ESR1: variants seen among roughly 807,000 people sequenced by gnomAD.
ESR1 encodes estrogen receptor.
ESR1 carries 12 observed loss-of-function variants against 52.7 expected under a neutral mutation model. The observed-to-expected ratio is 0.23, with a 90% CI of 0.15 to 0.37. The LOEUF (loss-of-function observed/expected upper bound fraction) is 0.37, where lower values mean the gene tolerates loss of function less well. Among genes scored for constraint, ESR1 ranks in the 10% least tolerant of loss-of-function variants. The pLI, the probability that ESR1 is intolerant of heterozygous loss-of-function variation, is 1.00. For synonymous variants in ESR1, 305 were observed against 316.8 expected (o/e 0.96, Z 0.39); for missense variants, 584 against 779.7 (o/e 0.75, Z 2.99).
intron 2 of ESR1, among the ~76,000 whole-genome samples, chr6:151,852,261 G>A (rs910091539): frequency 1.3e-5 from 2 of 152,142 alleles, no homozygotes; most frequent in Non-Finnish European, 2.9e-5. Context: ...TATTCCAGGG[G>A]TGGGGATTTG....
At chr6:152,015,386 CTTTTCT>C (rs921559265) in intron 5 of ESR1, among the ~76,000 whole-genome samples, 27 of 152,064 alleles carry the variant, frequency 1.8e-4, no homozygotes, top group Admixed American at 7.2e-4. Flanking sequence ...CTTTCTTTTC[CTTTTCT>C]AAGTTTCCAT....
At chr6:151,798,786 T>C (rs963566458) in intron 2 of ESR1, among the ~76,000 whole-genome samples, 2 of 152,210 alleles carry the variant, frequency 1.3e-5, no homozygotes, top group African/African-American at 4.8e-5. Context: ...TTAGCAGATA[T>C]AGGAAAGGTC....
At chr6:152,113,715 T>C (rs1314927151) in intron 6 of ESR1, among the ~76,000 whole-genome samples, 2 of 152,186 alleles carry the variant, frequency 1.3e-5, no homozygotes, top group African/African-American at 2.4e-5. Context: ...CCAATAGCGA[T>C]TTCCAAAACC....
At chr6:151,672,322 C>T (rs1035009325) in intron 1 of ESR1, among the ~76,000 whole-genome samples, 1 of 146,312 alleles carries the variant, frequency 6.8e-6, no homozygotes, top group African/African-American at 2.6e-5. Context: ...CCATGCCAGG[C>T]TAATTTTTTT....
intron 5 of ESR1, among the ~76,000 whole-genome samples, chr6:152,037,602 G>T (rs148148584): frequency 3.0e-4 from 45 of 152,258 alleles, no homozygotes; most frequent in African/African-American, 1.0e-3. Flanking sequence ...GAAAATAAAG[G>T]TAAGTGTTAA....
chr6:151,756,715 C>T (rs1400968894), intron 2 of ESR1, among the ~76,000 whole-genome samples: 1 of 152,128 alleles, frequency 6.6e-6, no homozygotes, highest in Non-Finnish European at 1.5e-5. Context: ...ATGGGCCGGG[C>T]GTGATGGCTC....
chr6:152,093,376 C>T (rs981191349), intron 6 of ESR1, among the ~76,000 whole-genome samples: 3 of 151,860 alleles, frequency 2.0e-5, no homozygotes, highest in Non-Finnish European at 4.4e-5. Flanking sequence ...CTCTCACCCC[C>T]CCACACTATC....
chr6:151,944,583 TG>T (rs2035485354), intron 4 of ESR1, 75 bp downstream of exon 4: 1 of 1,353,288 alleles, frequency 7.4e-7, no homozygotes, highest in East Asian at 2.3e-5. Context: ...GGAGAAATAG[TG>T]GGGGAAAAAG....
chr6:151,843,451 C>T lies in ESR1; in HGVS notation c.643+664C>T, dbSNP rs34977991. On this transcript the variant is annotated intron_variant, in intron 2 of 7. Transcript: ENST00000206249. Reference sequence around the variant, plus strand: ...TAGTTTGCCAATTATAGCTAATATACGGAGAGCTATACTTTATTTCTACTC... The same window carrying T: ...TAGTTTGCCAATTATAGCTAATATATGGAGAGCTATACTTTATTTCTACTC... Among the ~76,000 whole-genome samples, 579 of 152,234 alleles carry T rather than the reference C, an allele frequency of 3.8e-3. 3 individuals are homozygous for T. Among genetic ancestry groups the T allele is most frequent in the African/African-American group, 0.013 (541 of 41,556 alleles).
intron 1 of ESR1, among the ~76,000 whole-genome samples, chr6:151,698,239 G>A (rs1000441552): frequency 3.9e-5 from 6 of 151,920 alleles, no homozygotes; most frequent in East Asian, 1.9e-4. Context: ...GGTGGTGCAC[G>A]CCTGTAGTCC....
chr6:151,849,654 A>AT (rs1388672036), intron 2 of ESR1, among the ~76,000 whole-genome samples: 2 of 151,880 alleles, frequency 1.3e-5, no homozygotes, highest in African/African-American at 4.8e-5. Context: ...AAAAAAAAAA[A>AT]AATAATAATG....
At chr6:152,111,928 CCAT>C (rs2051151228) in intron 6 of ESR1, among the ~76,000 whole-genome samples, 2 of 152,206 alleles carry the variant, frequency 1.3e-5, no homozygotes, top group African/African-American at 4.8e-5. Flanking sequence ...AGTAAACACT[CCAT>C]CAATTCATCT....
chr6:152,066,904 T>C (rs3778084), intron 6 of ESR1, among the ~76,000 whole-genome samples: 33,915 of 152,106 alleles, frequency 0.22, 5,575 homozygotes, highest in African/African-American at 0.45. Context: ...CTTAAACTCA[T>C]GGAATTGTTG....
chr6:152,050,515 C>A (rs1170809293), intron 5 of ESR1, among the ~76,000 whole-genome samples: 1 of 152,136 alleles, frequency 6.6e-6, no homozygotes, highest in Admixed American at 6.6e-5. Context: ...CCAGACACTG[C>A]CTTCTCTAAG....
At chr6:152,072,978 A>C (rs1462566883) in intron 6 of ESR1, among the ~76,000 whole-genome samples, 1 of 152,214 alleles carries the variant, frequency 6.6e-6, no homozygotes, top group Non-Finnish European at 1.5e-5. Context: ...AGCATATTGC[A>C]AGTCCTCTGA....
chr6:151,712,789 A>G (rs1190724037), intron 2 of ESR1, among the ~76,000 whole-genome samples: 1 of 152,170 alleles, frequency 6.6e-6, no homozygotes, highest in Non-Finnish European at 1.5e-5. Flanking sequence ...GCAAACAGAG[A>G]CAATTTAACT....
intron 1 of ESR1, among the ~76,000 whole-genome samples, chr6:151,671,933 A>G (rs1778077165): frequency 6.6e-6 from 1 of 152,212 alleles, no homozygotes; most frequent in Non-Finnish European, 1.5e-5. Flanking sequence ...TGGAGGTTGC[A>G]GTGAGCCTAG....
chr6:151,775,219 T>C (rs1333732508), intron 2 of ESR1, among the ~76,000 whole-genome samples: 5 of 152,170 alleles, frequency 3.3e-5, no homozygotes, highest in Admixed American at 1.3e-4. Context: ...GTAATACAAG[T>C]TGAATATCCC....
chr6:151,735,940 T>C (rs1258389135), intron 2 of ESR1, among the ~76,000 whole-genome samples: 1 of 152,190 alleles, frequency 6.6e-6, no homozygotes, highest in East Asian at 1.9e-4. Context: ...CCATTCCACC[T>C]TCACACGCTG....
Sources: gnomAD v4.1 joint callset for allele counts (sites outside exome capture counted in the v4.1 genomes callset) on GRCh38, gnomAD v4.1.1 for gene constraint, MANE v1.5 for transcripts, NCBI Gene and HGNC (gene_info 2026-07-23, HGNC 2026-07-21) for gene names.